The following CLVS1 variants were observed in gnomAD, a reference collection of about 807,000 sequenced individuals.
CLVS1 encodes clavesin 1, also known as clavesin-1.
Under a neutral mutation model 33.1 loss-of-function variants are expected in CLVS1, and 10 were observed. That is an observed-to-expected ratio of 0.30 (90% CI 0.19 to 0.51). The LOEUF (loss-of-function observed/expected upper bound fraction) is 0.51, where lower values mean the gene tolerates loss of function less well. Ranked by LOEUF, CLVS1 falls within the 20% of genes least tolerant of loss-of-function variation. CLVS1 has a pLI of 0.97. For synonymous variants in CLVS1, 163 were observed against 166.1 expected (o/e 0.98, Z 0.14); for missense variants, 343 against 433.4 (o/e 0.79, Z 1.85).
intron 2 of CLVS1, among the ~76,000 whole-genome samples, chr8:61,358,386 G>A (rs1314373679): frequency 6.6e-6 from 1 of 152,170 alleles, no homozygotes; most frequent in African/African-American, 2.4e-5. Context: ...TGCATATTTA[G>A]TCATATGTGA....
intron 2 of CLVS1, among the ~76,000 whole-genome samples, chr8:61,191,621 A>C (rs570051349): frequency 1.3e-5 from 2 of 152,340 alleles, no homozygotes; most frequent in South Asian, 4.1e-4. Context: ...TATATTTAGA[A>C]AATCCCATCA....
At chr8:61,097,161 A>C (rs978171333) in intron 1 of CLVS1, among the ~76,000 whole-genome samples, 1 of 151,560 alleles carries the variant, frequency 6.6e-6, no homozygotes, top group Admixed American at 6.6e-5. Context: ...GGAGTTTGAG[A>C]TCAGCCTGGG....
intron 2 of CLVS1, among the ~76,000 whole-genome samples, chr8:61,316,815 C>T (rs1347655158): frequency 6.6e-6 from 1 of 152,160 alleles, no homozygotes; most frequent in African/African-American, 2.4e-5. Context: ...GTCAGGGCTC[C>T]ATCACTTTCC....
chr8:61,158,557 A>T (rs1806692513), intron 2 of CLVS1, among the ~76,000 whole-genome samples: 1 of 152,166 alleles, frequency 6.6e-6, no homozygotes, highest in Non-Finnish European at 1.5e-5. Flanking sequence ...CCAGCAGAAG[A>T]TAGAGCAGTG....
At chr8:61,447,361 A>C (rs975132483) in intron 3 of CLVS1, among the ~76,000 whole-genome samples, 3 of 151,972 alleles carry the variant, frequency 2.0e-5, no homozygotes, top group African/African-American at 7.2e-5. Context: ...GTATACTTAG[A>C]TCATTTATAT....
chr8:61,162,217 G>A (rs1806767479), intron 2 of CLVS1, among the ~76,000 whole-genome samples: 1 of 152,190 alleles, frequency 6.6e-6, no homozygotes, highest in South Asian at 2.1e-4. Flanking sequence ...CCCCTATGAA[G>A]AAGATAGTTT....
At chr8:61,239,703 C>T (rs1808652184) in intron 2 of CLVS1, among the ~76,000 whole-genome samples, 3 of 152,138 alleles carry the variant, frequency 2.0e-5, no homozygotes, top group African/African-American at 7.2e-5. Context: ...CACCACTGCA[C>T]TCCAGCCTGG....
At chr8:61,023,610 T>G in the CLVS1 span, among the ~76,000 whole-genome samples, 5 of 152,248 alleles carry the variant, frequency 3.3e-5, no homozygotes, top group Non-Finnish European at 7.3e-5. Context: ...TTTATGTTTT[T>G]TATGAATCAG....
chr8:61,398,933 T>G (rs926041566), intron 3 of CLVS1, among the ~76,000 whole-genome samples: 11 of 152,272 alleles, frequency 7.2e-5, no homozygotes, highest in Admixed American at 2.0e-4. Context: ...TACTACATTT[T>G]CTTTATCCAG....
At chr8:61,205,147 C>T (rs1276018384) in intron 2 of CLVS1, among the ~76,000 whole-genome samples, 4 of 152,170 alleles carry the variant, frequency 2.6e-5, no homozygotes, top group African/African-American at 9.6e-5. Context: ...TAAATATACA[C>T]AACATAAAAT....
At chr8:61,263,145 T>C (rs566547902) in intron 2 of CLVS1, among the ~76,000 whole-genome samples, 10 of 152,296 alleles carry the variant, frequency 6.6e-5, no homozygotes, top group Middle Eastern at 3.4e-3. Context: ...TCAGCTTGAT[T>C]GGCACAAGGT....
chr8:61,034,790 G>A, the CLVS1 span, among the ~76,000 whole-genome samples: 1 of 152,286 alleles, frequency 6.6e-6, no homozygotes, highest in East Asian at 1.9e-4. Flanking sequence ...TGCCAATACA[G>A]TGTTTACAAG....
chr8:61,136,796 T>C (rs1397388518), intron 2 of CLVS1, among the ~76,000 whole-genome samples: 1 of 152,216 alleles, frequency 6.6e-6, no homozygotes, highest in African/African-American at 2.4e-5. Context: ...GACACAAGCT[T>C]ACCTATGTAA....
At chr8:61,447,350 G>T (rs1003438261) in intron 3 of CLVS1, among the ~76,000 whole-genome samples, 5 of 151,510 alleles carry the variant, frequency 3.3e-5, no homozygotes, top group Non-Finnish European at 1.5e-5. Flanking sequence ...TCTTTTAATT[G>T]GTATACTTAG....
intron 5 of CLVS1, among the ~76,000 whole-genome samples, chr8:61,498,604 C>T (rs1023117261): frequency 7.9e-5 from 12 of 152,078 alleles, no homozygotes; most frequent in Non-Finnish European, 1.5e-4. Context: ...ATTATTACTC[C>T]AGTATAAAAG....
intron 2 of CLVS1, among the ~76,000 whole-genome samples, chr8:61,277,366 A>G (rs927041058): frequency 6.6e-6 from 1 of 152,168 alleles, no homozygotes; most frequent in African/African-American, 2.4e-5. Context: ...ACTTCTGCAT[A>G]AGGTCCTGCT....
chr8:61,028,195 G>A, the CLVS1 span, among the ~76,000 whole-genome samples: 1 of 152,240 alleles, frequency 6.6e-6, no homozygotes. Flanking sequence ...TGTATAGATA[G>A]TGGAAGGGGA....
At chr8:61,268,684 T>C (rs1434781377) in intron 2 of CLVS1, among the ~76,000 whole-genome samples, 4 of 138,066 alleles carry the variant, frequency 2.9e-5, no homozygotes, top group Non-Finnish European at 6.2e-5. Context: ...ACCTGTTGTT[T>C]CCTGACTTTT....
Position 61,086,492 on chromosome 8 carries a change from T to G in CLVS1, c.-243+29262T>G, listed in dbSNP as rs903440464. Among the ~76,000 whole-genome samples, 4 of 152,212 alleles carry G rather than the reference T, an allele frequency of 2.6e-5. No homozygotes were observed. In the East Asian group the frequency reaches 5.8e-4, roughly 22 times the overall value. On this transcript the variant is annotated intron_variant, in intron 1 of 2. Transcript: ENST00000522621. ...ACTAAAGCAATATTCATGGTTTATC[T>G]GAAGTTCAAATTAACTGGTTTCTTG... is the stretch of plus-strand genomic sequence containing the variant.
Sources: allele counts gnomAD v4.1 joint callset (sites outside exome capture counted in the v4.1 genomes callset), GRCh38; gene constraint gnomAD v4.1.1; transcripts MANE v1.5; gene names NCBI Gene and HGNC (gene_info 2026-07-23, HGNC 2026-07-21).